The following CRYBG1 variants were observed in gnomAD, a reference collection of about 807,000 sequenced individuals.
CRYBG1 encodes the protein crystallin beta-gamma domain containing 1.
Under a neutral mutation model 189.2 loss-of-function variants are expected in CRYBG1, and 139 were observed. The observed-to-expected ratio is 0.73, with a 90% CI of 0.64 to 0.85. The LOEUF is 0.85. CRYBG1 is among the 40% of genes least tolerant of loss of function. The pLI is 0.00. For missense variants in CRYBG1, 2,611 were observed against 2,675.8 expected (o/e 0.98, Z 0.53); for synonymous variants, 1,023 against 1,017.1 (o/e 1.01, Z -0.11).
intron 2 of CRYBG1, among the ~76,000 whole-genome samples, chr6:106,482,762 G>A (rs373308381): frequency 3.4e-5 from 5 of 146,714 alleles, no homozygotes; most frequent in Non-Finnish European, 5.9e-5. Context: ...GCGACAGAGC[G>A]AGACTCCATC....
chr6:106,552,966 C>A (rs1252630576), intron 15 of CRYBG1, among the ~76,000 whole-genome samples: 2 of 152,244 alleles, frequency 1.3e-5, no homozygotes, highest in Admixed American at 6.5e-5. Flanking sequence ...GTTATTTCGG[C>A]CTTTTAATGG....
At chr6:106,531,258 A>C (rs1773870544) in intron 8 of CRYBG1, among the ~76,000 whole-genome samples, 1 of 152,234 alleles carries the variant, frequency 6.6e-6, no homozygotes, top group Non-Finnish European at 1.5e-5. Flanking sequence ...GAATAGGATA[A>C]ATTACAGATC....
chr6:106,486,971 G>A (rs75133469), intron 2 of CRYBG1, among the ~76,000 whole-genome samples: 18,643 of 151,966 alleles, frequency 0.12, 1,307 homozygotes, highest in East Asian at 0.27. Flanking sequence ...TGGTTTTTTT[G>A]TAGATTGTTT....
In CRYBG1 at chr6:106,558,613, T is replaced by G. The variant is rs371645940; in HGVS notation, c.5843T>G (p.Val1948Gly). Residue 1948 changes from valine to glycine, a missense_variant, in exon 18 of 22, where the codon GTT becomes GGT. By Grantham distance (109) the Val-to-Gly change is moderately radical. This residue lies in a region of CRYBG1 where 1,622 missense variants were observed against 1,735.0 expected (regional missense o/e 0.93). Transcript: ENST00000633556. ...AACACACAAATACGCTCTGTTCAGG[T>G]TATTGGTGGCATGTGAGTTACCTAC... ...GFNTQIRSVQ[V>G]IGGIWVTYEY... 6.2e-7 allele frequency: 1 copy of G among 1,601,160 alleles called. No individual in the cohort carries two copies. The highest frequency in any genetic ancestry group is 1.3e-5 in the African/African-American group (1 of 74,086).
chr6:106,422,338 T>TTATTTATTTATTTATTTATG (rs998311743), intron 1 of CRYBG1, among the ~76,000 whole-genome samples: 5 of 123,302 alleles, frequency 4.1e-5, no homozygotes, highest in African/African-American at 1.5e-4. Context: ...ATTTATTTAT[T>TTATTTATTTATTTATTTATG]TATTTATTTT....
chr6:106,404,944 A>G (rs571400630), intron 1 of CRYBG1, among the ~76,000 whole-genome samples: 1 of 152,110 alleles, frequency 6.6e-6, no homozygotes, highest in African/African-American at 2.4e-5. Flanking sequence ...TTCAAGCACA[A>G]AACTGGGCAG....
chr6:106,541,063 C>A, intron 9 of CRYBG1: 2 of 306,928 alleles, frequency 6.5e-6, no homozygotes, highest in Non-Finnish European at 1.3e-5. Context: ...AACTTCAACA[C>A]ATAATAGTTT....
chr6:106,387,049 G>A (rs561360809), intron 1 of CRYBG1, among the ~76,000 whole-genome samples: 2 of 152,236 alleles, frequency 1.3e-5, no homozygotes, highest in East Asian at 1.9e-4. Flanking sequence ...ATTTACCATG[G>A]AACATAAAAT....
intron 17 of CRYBG1, among the ~76,000 whole-genome samples, chr6:106,557,363 A>G (rs1235659230): frequency 6.6e-6 from 1 of 151,900 alleles, no homozygotes; most frequent in Non-Finnish European, 1.5e-5. Flanking sequence ...CTTTCCACAA[A>G]CTTTAAGCAG....
intron 1 of CRYBG1, among the ~76,000 whole-genome samples, chr6:106,400,179 C>CATG (rs1770695254): frequency 2.7e-5 from 4 of 149,912 alleles, no homozygotes. Flanking sequence ...AAGGTCTCCC[C>CATG]ATGTTGCTCA....
intron 1 of CRYBG1, among the ~76,000 whole-genome samples, chr6:106,403,030 T>C (rs1014011132): frequency 2.0e-5 from 3 of 152,134 alleles, no homozygotes; most frequent in Middle Eastern, 3.2e-3. Flanking sequence ...AAGATGTTTG[T>C]TGAGGAGGAA....
At chr6:106,500,543 T>G (rs1469976213) in intron 2 of CRYBG1, among the ~76,000 whole-genome samples, 1 of 152,214 alleles carries the variant, frequency 6.6e-6, no homozygotes, top group African/African-American at 2.4e-5. Context: ...ATGTCTGAAT[T>G]CCTTGTATAT....
chr6:106,433,076 T>C (rs898051301), intron 1 of CRYBG1, among the ~76,000 whole-genome samples: 3 of 152,046 alleles, frequency 2.0e-5, no homozygotes, highest in Admixed American at 1.3e-4. Flanking sequence ...CCTGACCTCA[T>C]GATCCACCCT....
intron 2 of CRYBG1, among the ~76,000 whole-genome samples, chr6:106,476,564 G>C (rs1047996494): frequency 2.6e-5 from 4 of 152,096 alleles, no homozygotes; most frequent in African/African-American, 9.7e-5. Context: ...GCTTATCTAT[G>C]ATTAATTGTG....
chr6:106,485,165 A>G (rs12190403), intron 2 of CRYBG1, among the ~76,000 whole-genome samples: 2,826 of 152,174 alleles, frequency 0.019, 34 homozygotes, highest in Non-Finnish European at 0.03. Context: ...TTCTTCTTCA[A>G]TTTCTTTAAT....
chr6:106,362,880 A>G (rs1253194394), intron 1 of CRYBG1, among the ~76,000 whole-genome samples: 1 of 152,206 alleles, frequency 6.6e-6, no homozygotes, highest in Non-Finnish European at 1.5e-5. Flanking sequence ...CTTATCATTT[A>G]CTGTCTATCA....
chr6:106,467,403 T>C (rs1042401047), intron 2 of CRYBG1, among the ~76,000 whole-genome samples: 20 of 152,054 alleles, frequency 1.3e-4, no homozygotes, highest in Non-Finnish European at 2.6e-4. Context: ...GCCCAGAAAG[T>C]TGAGGCTGCA....
chr6:106,383,439 T>C (rs1770325319), intron 1 of CRYBG1, among the ~76,000 whole-genome samples: 1 of 152,236 alleles, frequency 6.6e-6, no homozygotes, highest in South Asian at 2.1e-4. Flanking sequence ...CATAAATGCA[T>C]GTCCCAAACT....
chr6:106,506,767 A>T (rs1773141074), intron 2 of CRYBG1, among the ~76,000 whole-genome samples: 1 of 152,096 alleles, frequency 6.6e-6, no homozygotes. Flanking sequence ...TTTCTTAAAG[A>T]TATAAACAGA....
Sources: gnomAD v4.1 joint callset for allele counts (sites outside exome capture counted in the v4.1 genomes callset) on GRCh38, gnomAD v4.1.1 for gene constraint, gnomAD v4.1.1 regional missense constraint, MANE v1.5 for transcripts, NCBI Gene and HGNC (gene_info 2026-07-23, HGNC 2026-07-21) for gene names.